The following RAB23 variants were observed in gnomAD, a reference collection of about 807,000 sequenced individuals.
The protein encoded by RAB23 is ras-related protein Rab-23.
A neutral mutation model predicts 30.0 loss-of-function variants in RAB23; 15 were observed. The observed-to-expected ratio is 0.50, with a 90% CI of 0.33 to 0.77. The LOEUF (loss-of-function observed/expected upper bound fraction) is 0.77. Among genes scored for constraint, RAB23 ranks in the 30% least tolerant of loss-of-function variants. The pLI is 0.02. For missense variants in RAB23, 243 were observed against 275.4 expected (o/e 0.88, Z 0.83); for synonymous variants, 93 against 94.0 (o/e 0.99, Z 0.06).
rs1764653751 is a variant in RAB23 at position 57,187,665 on chromosome 6, G to A, written c.*2796C>T. On this transcript the variant is annotated 3_prime_UTR_variant, in exon 7 of 7. Transcript: ENST00000468148. ...GTCCAACACTAAGTTGGGACATTAG[G>A]TCCTAAGGCCAACTCCCTATTCTAA... 6.6e-6 allele frequency: 1 copy of A among 151,980 alleles called. No individual in the cohort carries two copies. Among genetic ancestry groups the A allele is most frequent in the Admixed American group, 6.6e-5 (1 of 15,250 alleles). The allele number at this position is 151,980 out of a possible 1,614,324, so 9.4% of individuals were successfully genotyped here.
At chr6:57,199,606 CAA>C (rs1765163208) in intron 3 of RAB23, among the ~76,000 whole-genome samples, 1 of 152,034 alleles carries the variant, frequency 6.6e-6, no homozygotes, top group African/African-American at 2.4e-5. Flanking sequence ...AATGAAAAAA[CAA>C]GAACTGCAGG....
chr6:57,214,178 A>C (rs1210207863), intron 1 of RAB23, among the ~76,000 whole-genome samples: 2 of 152,100 alleles, frequency 1.3e-5, no homozygotes, highest in African/African-American at 2.4e-5. Flanking sequence ...GACTTACACT[A>C]TCTCTCACAG....
intron 1 of RAB23, among the ~76,000 whole-genome samples, chr6:57,213,785 C>T (rs1161740954): frequency 6.6e-6 from 1 of 152,026 alleles, no homozygotes; most frequent in African/African-American, 2.4e-5. Flanking sequence ...TATAGAGAAG[C>T]TAGTAACCAG....
chr6:57,210,465 T>G lies in RAB23; in HGVS notation c.-65-20A>C, dbSNP rs1008061313. The G allele has an allele frequency of 4.2e-5, 58 of 1,370,654 alleles. No homozygotes were observed. Among genetic ancestry groups the G allele is most frequent in the Non-Finnish European group, 5.8e-5 (56 of 966,320 alleles). The allele number at this position is 1,370,654 out of a possible 1,614,324, so 84.9% of individuals were successfully genotyped here. ...TCAAATCTGTGGTTTAAAATGAAATTATTTTTTCATAACACAAAAATGTAC... is the reference window on the plus strand; with the variant it reads ...TCAAATCTGTGGTTTAAAATGAAATGATTTTTTCATAACACAAAAATGTAC... On this transcript the variant is annotated intron_variant, in intron 1 of 6. Transcript: ENST00000468148.
chr6:57,193,428 C>T (rs894624063), intron 6 of RAB23, among the ~76,000 whole-genome samples: 3 of 152,136 alleles, frequency 2.0e-5, no homozygotes, highest in African/African-American at 7.2e-5. Context: ...TGAAAGAGAA[C>T]ACAACACACT....
chr6:57,205,137 A>G, intron 3 of RAB23, among the ~76,000 whole-genome samples: 1 of 151,070 alleles, frequency 6.6e-6, no homozygotes, highest in East Asian at 1.9e-4. Flanking sequence ...ATCTATACAT[A>G]TATACTTTAT....
intron 5 of RAB23, among the ~76,000 whole-genome samples, chr6:57,194,502 CACATATGCATAT>C (rs1232420782): frequency 6.6e-6 from 1 of 151,864 alleles, no homozygotes; most frequent in Non-Finnish European, 1.5e-5. Flanking sequence ...GCATCAAAAC[CACATATGCATAT>C]ACTCTACATA....
chr6:57,206,297 C>T (rs569723023), intron 3 of RAB23, among the ~76,000 whole-genome samples: 2 of 152,124 alleles, frequency 1.3e-5, no homozygotes, highest in South Asian at 4.2e-4. Context: ...GGTCAATGAA[C>T]AGAGAAGCTC....
chr6:57,221,096 T>TA (rs1466067977), intron 1 of RAB23, among the ~76,000 whole-genome samples: 1 of 152,164 alleles, frequency 6.6e-6, no homozygotes, highest in African/African-American at 2.4e-5. Flanking sequence ...TCTAATAAAT[T>TA]AGAGAAGCAA....
At chr6:57,220,920 C>T (rs1052496509) in intron 1 of RAB23, among the ~76,000 whole-genome samples, 2 of 152,088 alleles carry the variant, frequency 1.3e-5, no homozygotes, top group African/African-American at 4.8e-5. Context: ...TAAATTTTAA[C>T]AGGCAGTCGG....
At chr6:57,210,204 A>G (rs1765600784) in intron 2 of RAB23, 22 bp downstream of exon 2, 1 of 1,609,280 alleles carries the variant, frequency 6.2e-7, no homozygotes, top group Admixed American at 1.7e-5. Context: ...AAGCCAAAGG[A>G]ATAAAATGGC....
At position 57,222,043 on chromosome 6, in the gene RAB23, C is replaced by CCCGCCGCCCGGCGCCACCGGCT. The variant is rs1766083824; in HGVS notation, c.-405_-384dup. 6.6e-6 allele frequency: 1 copy of CCCGCCGCCCGGCGCCACCGGCT among 152,432 alleles called. No homozygotes were observed. Among genetic ancestry groups the CCCGCCGCCCGGCGCCACCGGCT allele is most frequent in the African/African-American group, 2.4e-5 (1 of 41,460 alleles). The allele number at this position is 152,432 out of a possible 1,614,324, so 9.4% of individuals were successfully genotyped here. A position where few individuals can be genotyped will look rare whatever the true frequency, so the allele number is the denominator to read the frequency against. On this transcript the variant is annotated 5_prime_UTR_variant, in exon 1 of 7. Transcript: ENST00000468148. ...CTCACCGTCCCCCACCGGCCGCGGA[C>CCCGCCGCCCGGCGCCACCGGCT]CCGCCGCCCGGCGCCACCGGCTCCT...
intron 3 of RAB23, among the ~76,000 whole-genome samples, chr6:57,200,403 G>C (rs568599039): frequency 6.6e-6 from 1 of 151,502 alleles, no homozygotes; most frequent in South Asian, 2.1e-4. Flanking sequence ...TGGGTGTGGT[G>C]GTGGGCACCT....
At chr6:57,202,321 T>C (rs1359363841) in intron 3 of RAB23, among the ~76,000 whole-genome samples, 1 of 152,214 alleles carries the variant, frequency 6.6e-6, no homozygotes, top group Non-Finnish European at 1.5e-5. Flanking sequence ...CCCCACTGTA[T>C]AGTAGCCATA....
At chr6:57,207,810 A>G (rs1765503740) in intron 2 of RAB23, 97 bp from the exon 3 acceptor site, 1 of 817,948 alleles carries the variant, frequency 1.2e-6, no homozygotes, top group Admixed American at 2.1e-5. Flanking sequence ...AAAGATATTA[A>G]AACTACAAAT....
chr6:57,198,809 A>G (rs1765126888), intron 3 of RAB23, among the ~76,000 whole-genome samples: 1 of 152,180 alleles, frequency 6.6e-6, no homozygotes, highest in Admixed American at 6.5e-5. Flanking sequence ...AAGGTCTCAG[A>G]CACTTAACCA....
rs1337479331 is a variant in RAB23, at chr6:57,210,326, C to T, written c.55G>A (p.Ala19Thr). Residue 19 changes from alanine (A) to threonine (T), a missense_variant, in exon 2 of 7, where the codon GCA becomes ACA. Coordinates refer to ENST00000468148, the MANE Select transcript of RAB23 (RefSeq NM_016277.5). ...AIKMVVVGNG[A>T]VGKSSMIQRY... is the part of the protein sequence containing the mutation. ...TGAATCATACTTGATTTTCCAACTG[C>T]TCCATTCCCTACAACCACCATCTTT... 1.2e-6 allele frequency: 2 copies of T among 1,613,836 alleles called. No individual in the cohort carries two copies. The highest frequency in any genetic ancestry group is 1.7e-6 in the Non-Finnish European group (2 of 1,179,860).
Position 57,196,651 on chromosome 6 carries a change from T to A in RAB23, c.242-45A>T, listed in dbSNP as rs757852456. ...CAATCAATCAATCAAGGTATTTACA[T>A]TAACATATTACATTTACATTAAGAA... On this transcript the variant is annotated intron_variant, in intron 3 of 6. Coordinates refer to ENST00000468148, the MANE Select transcript of RAB23 (RefSeq NM_016277.5). 2.5e-6 allele frequency: 4 copies of A among 1,588,614 alleles called. 1 individual carries two copies. The highest frequency in any genetic ancestry group is 3.4e-6 in the Non-Finnish European group (4 of 1,166,168).
intron 1 of RAB23, among the ~76,000 whole-genome samples, chr6:57,217,550 C>T (rs549598757): frequency 2.4e-4 from 37 of 152,232 alleles, no homozygotes; most frequent in African/African-American, 5.1e-4. Context: ...TCAAGTGATC[C>T]GCCCGCCGTG....
Sources: gnomAD v4.1 joint callset for allele counts (sites outside exome capture counted in the v4.1 genomes callset) on GRCh38, gnomAD v4.1.1 for gene constraint, MANE v1.5 for transcripts, NCBI Gene and HGNC (gene_info 2026-07-23, HGNC 2026-07-21) for gene names.